Variants in LIMCH1 observed in about 807,000 individuals in gnomAD.
The protein encoded by LIMCH1 is LIM and calponin homology domains-containing protein 1.
In LIMCH1, 113 loss-of-function variants were observed where a neutral mutation model predicts 176.5. The observed-to-expected ratio is 0.64, with a 90% CI of 0.55 to 0.75. The LOEUF is 0.75. LIMCH1 is among the 30% of genes least tolerant of loss of function. The probability of loss-of-function intolerance (pLI) is 0.00; values close to 1 mark genes in which losing one functional copy is unlikely to be tolerated. For synonymous variants in LIMCH1, 619 were observed against 645.9 expected (o/e 0.96, Z 0.63); for missense variants, 1,674 against 1,814.9 (o/e 0.92, Z 1.41).
At chr4:41,486,762 G>C (rs1006055130) in intron 1 of LIMCH1, among the ~76,000 whole-genome samples, 1 of 151,974 alleles carries the variant, frequency 6.6e-6, no homozygotes, top group Non-Finnish European at 1.5e-5. Flanking sequence ...AAGAATCTAT[G>C]TCTCTTTCTT....
At chr4:41,567,503 T>C (rs1023960141) in intron 1 of LIMCH1, among the ~76,000 whole-genome samples, 2 of 152,184 alleles carry the variant, frequency 1.3e-5, no homozygotes, top group African/African-American at 2.4e-5. Flanking sequence ...AATATATGAC[T>C]GAGGCAGAAT....
chr4:41,592,125 C>T (rs1241339520), intron 1 of LIMCH1, among the ~76,000 whole-genome samples: 2 of 152,258 alleles, frequency 1.3e-5, no homozygotes, highest in Non-Finnish European at 2.9e-5. Flanking sequence ...TCTTCTGTAA[C>T]TGCTGGGATC....
At chr4:41,596,851 C>A (rs1292924892) in intron 1 of LIMCH1, among the ~76,000 whole-genome samples, 1 of 152,172 alleles carries the variant, frequency 6.6e-6, no homozygotes, top group Non-Finnish European at 1.5e-5. Context: ...GTCTTGTGAA[C>A]AATGGCATCT....
At chr4:41,588,348 G>T (rs2086857635) in intron 1 of LIMCH1, among the ~76,000 whole-genome samples, 1 of 152,158 alleles carries the variant, frequency 6.6e-6, no homozygotes, top group Admixed American at 6.5e-5. Flanking sequence ...TGGCAGAGAG[G>T]TGGAAGGAAG....
chr4:41,399,840 A>ATTTTTTTTTTTTT (rs71198650), intron 1 of LIMCH1, among the ~76,000 whole-genome samples: 2 of 114,132 alleles, frequency 1.8e-5, no homozygotes, highest in Non-Finnish European at 3.4e-5. Flanking sequence ...TGCCCGGCTA[A>ATTTTTTTTTTTTT]TTTTTTTTTT....
intron 1 of LIMCH1, among the ~76,000 whole-genome samples, chr4:41,390,953 C>T (rs556093669): frequency 3.9e-5 from 6 of 152,242 alleles, no homozygotes; most frequent in South Asian, 2.1e-4. Flanking sequence ...TGGGCAGCCA[C>T]GTGCCTAAAG....
intron 1 of LIMCH1, among the ~76,000 whole-genome samples, chr4:41,467,164 C>T (rs201887888): frequency 0.075 from 3,530 of 46,902 alleles, 171 homozygotes; most frequent in African/African-American, 0.4. Context: ...TATATACACA[C>T]ACACACACAC....
rs201058770 is a variant in LIMCH1, at chr4:41,486,973, T to C, written c.97-7563T>C. Among the ~76,000 whole-genome samples the C allele has an allele frequency of 3.8e-4, 33 of 86,794 alleles. 1 individual carries two copies. The South Asian group carries it at 5.7e-3, about 15-fold the overall frequency. The allele number at this position is 86,794 out of a possible 152,430, so 56.9% of individuals were successfully genotyped here. On this transcript the variant is annotated intron_variant, in intron 1 of 26. Transcript: ENST00000313860. ...ATATATATATATACACACACACACATACATACACACACACACACACACACA... is the reference window on the plus strand; with the variant it reads ...ATATATATATATACACACACACACACACATACACACACACACACACACACA...
chr4:41,661,106 A>ACAAAT (rs57059077), intron 18 of LIMCH1, among the ~76,000 whole-genome samples: 1 of 151,834 alleles, frequency 6.6e-6, no homozygotes, highest in African/African-American at 2.4e-5. Context: ...GCCAGCTTGA[A>ACAAAT]AGGCTTTCAA....
At chr4:41,679,624 C>T (rs1714003676) in intron 23 of LIMCH1, among the ~76,000 whole-genome samples, 1 of 152,100 alleles carries the variant, frequency 6.6e-6, no homozygotes, top group African/African-American at 2.4e-5. Context: ...ATTACACTCT[C>T]CTCGCAGCAA....
chr4:41,595,612 GC>G (rs1193729498), intron 1 of LIMCH1, among the ~76,000 whole-genome samples: 1 of 152,140 alleles, frequency 6.6e-6, no homozygotes, highest in African/African-American at 2.4e-5. Context: ...TAGCTAGATG[GC>G]AAATGCTTGA....
Position 41,492,662 on chromosome 4 carries a change from G to A in LIMCH1, c.97-1874G>A, listed in dbSNP as rs180724064. Among the ~76,000 whole-genome samples, 661 of 152,260 alleles carry A rather than the reference G, an allele frequency of 4.3e-3. 5 individuals carry two copies. The highest frequency in any genetic ancestry group is 6.8e-3 in the Non-Finnish European group (460 of 68,008). On this transcript the variant is annotated intron_variant, in intron 1 of 26. Transcript: ENST00000313860. ...TAGTGTTGGTCAAGTCTTCTATAGC[G>A]TTATTGATTTTTCTCTCTACTTGTC...
chr4:41,378,430 T>A (rs1247078189), intron 1 of LIMCH1, among the ~76,000 whole-genome samples: 1 of 152,228 alleles, frequency 6.6e-6, no homozygotes, highest in African/African-American at 2.4e-5. Flanking sequence ...TGATTAGGAT[T>A]AAATAAATTA....
intron 1 of LIMCH1, among the ~76,000 whole-genome samples, chr4:41,481,279 A>G (rs1481717383): frequency 6.6e-6 from 1 of 152,226 alleles, no homozygotes; most frequent in Non-Finnish European, 1.5e-5. Flanking sequence ...AAGAAAGTGT[A>G]GCAGTGTAAC....
chr4:41,500,527 T>C (rs2073082663), intron 2 of LIMCH1, among the ~76,000 whole-genome samples: 1 of 152,252 alleles, frequency 6.6e-6, no homozygotes, highest in Non-Finnish European at 1.5e-5. Context: ...ATCTAAGATT[T>C]TAAAGTCAGT....
At chr4:41,521,495 G>A (rs190041597) in intron 2 of LIMCH1, among the ~76,000 whole-genome samples, 6 of 152,256 alleles carry the variant, frequency 3.9e-5, no homozygotes, top group Admixed American at 6.5e-5. Context: ...GGATGGCATA[G>A]TGGTTTTTAA....
In LIMCH1 at chr4:41,494,599, CT is replaced by C. The variant is rs766019700; in HGVS notation, c.161del (p.Leu54ProfsTer5). 1 of 1,607,714 alleles carries C rather than the reference CT, an allele frequency of 6.2e-7. No individual in the cohort carries two copies. The highest frequency in any genetic ancestry group is 1.1e-5 in the South Asian group (1 of 90,542). On this transcript the variant is annotated frameshift_variant, in exon 2 of 27. Transcript: ENST00000313860. LOFTEE classifies it high-confidence loss of function. ...GACAGGTTTAGAAAATGGAATCCTC[CT>C]CTGCGAGTAAGTATAGCCTATATTC...
rs779595354 is a variant in LIMCH1, at chr4:41,605,919, G to A, written c.-77G>A. On this transcript the variant is annotated 5_prime_UTR_variant, in exon 4 of 32. Transcript: ENST00000503057. The stretch of plus-strand genomic sequence containing the variant: ...GTATTAGTTACCATTTACTGGCTGG[G>A]AAAAGCAGCAAACAGCTGCACATCC... 8.1e-6 allele frequency: 13 copies of A among 1,613,378 alleles called. No homozygotes were observed. Among genetic ancestry groups the A allele is most frequent in the South Asian group, 1.1e-5 (1 of 91,026 alleles).
chr4:41,551,879 C>T (rs2080484084), intron 1 of LIMCH1, among the ~76,000 whole-genome samples: 2 of 152,098 alleles, frequency 1.3e-5, no homozygotes, highest in Admixed American at 6.6e-5. Flanking sequence ...AAAAGTTTAC[C>T]AATTCCTGTT....
Sources: gnomAD v4.1 joint callset for allele counts (sites outside exome capture counted in the v4.1 genomes callset) on GRCh38, gnomAD v4.1.1 for gene constraint, MANE v1.5 for transcripts, NCBI Gene and HGNC (gene_info 2026-07-23, HGNC 2026-07-21) for gene names.